KMT2E: variants seen among roughly 807,000 people sequenced by gnomAD.
KMT2E encodes histone reader KMT2E.
In KMT2E, 30 loss-of-function variants were observed where a neutral mutation model predicts 184.6. The ratio of observed to expected loss-of-function variants is 0.16; its 90% CI spans 0.12 to 0.22. The LOEUF (loss-of-function observed/expected upper bound fraction) is 0.22. KMT2E is among the 10% of genes least tolerant of loss of function. The pLI is 1.00. For missense variants in KMT2E, 2,023 were observed against 2,237.4 expected, an observed-to-expected ratio of 0.90 and a Z score of 1.93; for synonymous variants, 815 against 776.5, an observed-to-expected ratio of 1.05 and a Z score of -0.82.
chr7:105,051,835 A>G (rs977027905), intron 3 of KMT2E, among the ~76,000 whole-genome samples: 5 of 152,010 alleles, frequency 3.3e-5, no homozygotes, highest in Admixed American at 1.3e-4. Context: ...CTGGTCTCGA[A>G]CTCCTGACTT....
rs115756102 is a variant in KMT2E at position 105,016,330 on chromosome 7, T to C, written c.-189+1795T>C. Among the ~76,000 whole-genome samples the C allele has an allele frequency of 8.6e-4, 131 of 152,338 alleles. 1 individual carries two copies. Among genetic ancestry groups the C allele is most frequent in the Middle Eastern group, 3.4e-3 (1 of 294 alleles). Reference sequence around the variant, plus strand: ...TATTGTGTATTTGGTAAAGTGAAGCTTCATGCTGCCTTTAACAATCGTCTT... The same window carrying C: ...TATTGTGTATTTGGTAAAGTGAAGCCTCATGCTGCCTTTAACAATCGTCTT... On this transcript the variant is annotated intron_variant, in intron 1 of 26. Coordinates refer to ENST00000311117, the MANE Select transcript of KMT2E (RefSeq NM_182931.3).
chr7:105,070,678 T>C (rs1797248301), intron 6 of KMT2E, among the ~76,000 whole-genome samples: 1 of 136,428 alleles, frequency 7.3e-6, no homozygotes, highest in South Asian at 2.4e-4. Context: ...CTGGATAAGA[T>C]GGTATGTGTC....
At chr7:105,064,689 TA>T (rs1796960910) in intron 5 of KMT2E, among the ~76,000 whole-genome samples, 1 of 152,130 alleles carries the variant, frequency 6.6e-6, no homozygotes, top group Non-Finnish European at 1.5e-5. Flanking sequence ...TTTCCAAATG[TA>T]AAAATAAACT....
chr7:105,107,951 CTT>C, intron 22 of KMT2E, 26 bp downstream of exon 22: 1 of 1,417,216 alleles, frequency 7.1e-7, no homozygotes, highest in South Asian at 1.4e-5. Flanking sequence ...ATTTATAGTC[CTT>C]TTAATAGTTT....
chr7:105,073,661 A>T lies in KMT2E; in HGVS notation c.540A>T (p.Lys180Asn). 1.9e-6 allele frequency: 3 copies of T among 1,604,926 alleles called. No homozygotes were observed. The highest frequency in any genetic ancestry group is 2.6e-6 in the Non-Finnish European group (3 of 1,172,096). ...GGGCAGTGCTACTACAACGCCGGAA[A>T]AGGGAAAATATGTCAGGTAGGTAAA... ...KERAVLLQRRKRENMSDGDTS... is the reference protein window; with the variant it reads ...KERAVLLQRRNRENMSDGDTS... The change falls in exon 7 of 27, where the codon AAA (lysine) becomes AAT (asparagine). Residue 180 changes from lysine (K) to asparagine (N), a missense_variant. Physicochemically the swap from Lys to Asn is moderately conservative, Grantham distance 94 (BLOSUM62 0). Transcript: ENST00000311117.
At chr7:105,098,050 G>GTTAT (rs1440920254) in intron 15 of KMT2E, among the ~76,000 whole-genome samples, 1 of 152,100 alleles carries the variant, frequency 6.6e-6, no homozygotes, top group Non-Finnish European at 1.5e-5. Context: ...AGCCATACGT[G>GTTAT]TTATTTTGGA....
intron 17 of KMT2E, chr7:105,103,587 C>A (rs1209832841): frequency 6.6e-6 from 1 of 151,992 alleles, no homozygotes; most frequent in Non-Finnish European, 1.5e-5. Context: ...ATGGCAAAGC[C>A]AGGATTCACC....
chr7:105,049,991 A>G (rs1584727380), intron 3 of KMT2E, among the ~76,000 whole-genome samples: 1 of 152,238 alleles, frequency 6.6e-6, no homozygotes, highest in East Asian at 1.9e-4. Context: ...CCTTTTCAGA[A>G]TCTTCATTCT....
At chr7:105,108,756 A>C (rs1799024402) in intron 22 of KMT2E, 186 bp from the exon 23 acceptor site, 2 of 580,830 alleles carry the variant, frequency 3.4e-6, no homozygotes, top group Non-Finnish European at 6.1e-6. Context: ...ATGTATGTAA[A>C]TCATCTAAGT....
chr7:105,078,657 CTTTTTTTTTTTTTTTTTTT>C (rs71152940), intron 11 of KMT2E, among the ~76,000 whole-genome samples, 170 bp from the exon 12 acceptor site: 1 of 46,674 alleles, frequency 2.1e-5, no homozygotes, highest in African/African-American at 9.3e-5. Flanking sequence ...CATGCCTGGC[CTTTTTTTTTTTTTTTTTTT>C]TTTTTTTTTT....
At chr7:105,087,891 G>C (rs1306711050) in intron 13 of KMT2E, among the ~76,000 whole-genome samples, 1 of 143,470 alleles carries the variant, frequency 7.0e-6, no homozygotes, top group African/African-American at 2.6e-5. Context: ...TAAGCAATTC[G>C]ATTCAGTTCC....
chr7:105,088,234 G>A (rs781775284), intron 13 of KMT2E, among the ~76,000 whole-genome samples: 5 of 152,166 alleles, frequency 3.3e-5, no homozygotes, highest in Admixed American at 6.5e-5. Flanking sequence ...ACGTATATGA[G>A]AAGAAGAATA....
At chr7:105,091,357 C>T in intron 15 of KMT2E, 43 bp downstream of exon 15, 1 of 1,039,612 alleles carries the variant, frequency 9.6e-7, no homozygotes, top group Non-Finnish European at 1.5e-6. Context: ...GACAGCTGCT[C>T]TGCATATGGT....
intron 3 of KMT2E, among the ~76,000 whole-genome samples, chr7:105,056,680 G>T (rs926869700): frequency 6.6e-6 from 1 of 152,188 alleles, no homozygotes; most frequent in African/African-American, 2.4e-5. Flanking sequence ...TTGAATTATT[G>T]TGAACTAAAG....
At chr7:105,087,044 TAATA>T (rs1562918438) in intron 13 of KMT2E, among the ~76,000 whole-genome samples, 2 of 147,254 alleles carry the variant, frequency 1.4e-5, no homozygotes, top group Non-Finnish European at 3.0e-5. Flanking sequence ...ATGGCATGTA[TAATA>T]TATATAGCAT....
chr7:105,055,639 T>C (rs1400066084), intron 3 of KMT2E, among the ~76,000 whole-genome samples: 1 of 152,226 alleles, frequency 6.6e-6, no homozygotes, highest in Non-Finnish European at 1.5e-5. Flanking sequence ...TACAGGTAAT[T>C]GTGCTGCTGG....
intron 1 of KMT2E, among the ~76,000 whole-genome samples, chr7:105,034,372 A>G (rs1257728642): frequency 1.3e-5 from 2 of 152,162 alleles, no homozygotes; most frequent in Non-Finnish European, 2.9e-5. Flanking sequence ...AGTTAGGACT[A>G]CAGGCTTGCA....
chr7:105,091,680 T>G, intron 15 of KMT2E: 1 of 349,942 alleles, frequency 2.9e-6, no homozygotes, highest in African/African-American at 2.1e-5. Context: ...AAGTACAAAT[T>G]TAAACCTTAC....
Position 105,112,626 on chromosome 7 carries a change from G to T in KMT2E, c.4870G>T (p.Ala1624Ser), listed in dbSNP as rs1401945516. 6.2e-7 allele frequency: 1 copy of T among 1,613,800 alleles called. No individual in the cohort carries two copies. Among genetic ancestry groups the T allele is most frequent in the Admixed American group, 1.7e-5 (1 of 59,990 alleles). The change falls in exon 27 of 27, where the codon GCC (alanine) becomes TCC (serine). Residue 1624 changes from alanine (A) to serine (S), a missense_variant. By Grantham distance (99) the Ala-to-Ser change is moderately conservative. This residue lies in a region of KMT2E where 1,108 missense variants were observed against 1,050.9 expected (regional missense o/e 1.05). Transcript: ENST00000311117. ...TACCATTCACCATCAAACTGCTGCT[G>T]CCGTAGTCCCCCCTCCTCCTCCACC... is the stretch of plus-strand genomic sequence containing the variant. The part of the protein sequence containing the change: ...NPTIHHQTAA[A>S]VVPPPPPPPP...
Sources: allele counts gnomAD v4.1 joint callset (sites outside exome capture counted in the v4.1 genomes callset), GRCh38; gene constraint gnomAD v4.1.1; regional missense constraint gnomAD v4.1.1; transcripts MANE v1.5; gene names NCBI Gene and HGNC (gene_info 2026-07-23, HGNC 2026-07-21).